OCM: variants seen among roughly 807,000 people sequenced by gnomAD.
OCM encodes oncomodulin-1.
OCM carries 18 observed loss-of-function variants against 14.1 expected under a neutral mutation model. The ratio of observed to expected loss-of-function variants is 1.28; its 90% CI spans 0.88 to 1.89. OCM has a LOEUF of 1.89. Among genes scored for constraint, OCM ranks in the 40% most tolerant of loss-of-function variants. The pLI is 0.00. For missense variants in OCM, 140 were observed against 137.6 expected, an observed-to-expected ratio of 1.02 and a Z score of -0.09; for synonymous variants, 48 against 51.0, an observed-to-expected ratio of 0.94 and a Z score of 0.25.
chr7:5,885,168 G>C (rs1781307131), intron 3 of OCM, among the ~76,000 whole-genome samples: 1 of 150,018 alleles, frequency 6.7e-6, no homozygotes, highest in Non-Finnish European at 1.5e-5. Context: ...AATAAACAAA[G>C]CTTACCAATA....
chr7:5,881,318 CAAAAAA>C (rs1310064726), intron 1 of OCM, among the ~76,000 whole-genome samples: 1 of 58,834 alleles, frequency 1.7e-5, no homozygotes, highest in Non-Finnish European at 3.6e-5. Context: ...ACTCTGTCTA[CAAAAAA>C]AAAAAAAAAA....
At chr7:5,876,132 A>T (rs1781090390), upstream of OCM, among the ~76,000 whole-genome samples, 1 of 152,080 alleles carries the variant, frequency 6.6e-6, no homozygotes, top group South Asian at 2.1e-4. Context: ...CAGCCTCCAG[A>T]GTAGCTGGGA....
At chr7:5,878,164 C>G (rs1430959114), upstream of OCM, among the ~76,000 whole-genome samples, 1 of 151,190 alleles carries the variant, frequency 6.6e-6, no homozygotes, top group Non-Finnish European at 1.5e-5. Flanking sequence ...GGGTTTTCAC[C>G]ACGTTGGTCA....
chr7:5,860,920 T>C, the OCM span, among the ~76,000 whole-genome samples: 4 of 151,680 alleles, frequency 2.6e-5, no homozygotes, highest in South Asian at 8.3e-4. Flanking sequence ...ATTGATTTAG[T>C]GACCACAGAG....
upstream of OCM, among the ~76,000 whole-genome samples, chr7:5,878,477 T>C (rs1344653957): frequency 2.7e-5 from 4 of 149,708 alleles, no homozygotes; most frequent in East Asian, 8.4e-4. Context: ...CCGGGCGCGG[T>C]GGCTCACGCC....
upstream of OCM, among the ~76,000 whole-genome samples, chr7:5,875,469 T>C (rs1476043375): frequency 6.6e-6 from 1 of 152,030 alleles, no homozygotes; most frequent in African/African-American, 2.4e-5. Context: ...AAAATTTAAA[T>C]AAATATAATA....
chr7:5,865,770 T>C, the OCM span, among the ~76,000 whole-genome samples: 10,789 of 152,198 alleles, frequency 0.071, 604 homozygotes, highest in Admixed American at 0.2. Context: ...GGGCAACACA[T>C]ACCCTGTGCA....
upstream of OCM, among the ~76,000 whole-genome samples, chr7:5,877,635 A>G (rs181109404): frequency 6.9e-4 from 104 of 151,682 alleles, 1 homozygote; most frequent in East Asian, 0.018. Flanking sequence ...CCTGGCCAAC[A>G]TGGTGAAACC....
the OCM span, among the ~76,000 whole-genome samples, chr7:5,859,980 G>GC: frequency 6.6e-6 from 1 of 151,886 alleles, no homozygotes; most frequent in African/African-American, 2.4e-5. Context: ...GAGCCACCGC[G>GC]CCCAGCCAGT....
At chr7:5,871,642 G>C in the OCM span, 1 of 152,216 alleles carries the variant, frequency 6.6e-6, no homozygotes, top group South Asian at 2.1e-4. Flanking sequence ...GTAGTCTTCA[G>C]GGTCCTGCAC....
the OCM span, among the ~76,000 whole-genome samples, chr7:5,860,516 GTATA>G: frequency 1.7e-5 from 2 of 115,942 alleles, no homozygotes; most frequent in Admixed American, 8.6e-5. Flanking sequence ...ATATATACGT[GTATA>G]TATACGTGTG....
At chr7:5,861,576 A>G in the OCM span, among the ~76,000 whole-genome samples, 1 of 152,188 alleles carries the variant, frequency 6.6e-6, no homozygotes, top group Admixed American at 6.6e-5. Flanking sequence ...AGAGTTGCTC[A>G]GTACTTGGGT....
chr7:5,861,108 G>C, the OCM span, among the ~76,000 whole-genome samples: 29 of 151,946 alleles, frequency 1.9e-4, no homozygotes, highest in South Asian at 6.2e-4. Flanking sequence ...GGATGGGAGG[G>C]AGATGTGCTT....
chr7:5,862,362 T>TA, the OCM span, among the ~76,000 whole-genome samples: 1 of 151,744 alleles, frequency 6.6e-6, no homozygotes, highest in Non-Finnish European at 1.5e-5. Flanking sequence ...GACAGAACGT[T>TA]ACGTATCTTC....
rs749279180 is a variant in OCM, at chr7:5,880,840, C to T, written c.-50C>T. 3.2e-6 allele frequency: 5 copies of T among 1,567,020 alleles called. No homozygotes were observed. In the Admixed American group the frequency reaches 5.0e-5, roughly 16 times the overall value. On this transcript the variant is annotated 5_prime_UTR_variant, in exon 1 of 4. Coordinates refer to ENST00000242104, the MANE Select transcript of OCM (RefSeq NM_001097622.2). ...TGTGTTTCCCCTGGATGTGCACATT[C>T]CTGTTTGTGGCTTATCGCCTCTCAT... is the stretch of plus-strand genomic sequence containing the variant.
chr7:5,878,653 A>G (rs1015219926), upstream of OCM, among the ~76,000 whole-genome samples: 2 of 151,726 alleles, frequency 1.3e-5, no homozygotes, highest in African/African-American at 4.8e-5. Context: ...AGGCTGAGGC[A>G]AGAGAATGGC....
chr7:5,862,600 A>T, the OCM span, among the ~76,000 whole-genome samples: 1 of 151,742 alleles, frequency 6.6e-6, no homozygotes, highest in African/African-American at 2.4e-5. Flanking sequence ...CCCTCTTTTC[A>T]TGTTTACTTT....
chr7:5,871,130 T>C, the OCM span, among the ~76,000 whole-genome samples: 1 of 151,874 alleles, frequency 6.6e-6, no homozygotes, highest in African/African-American at 2.4e-5. Context: ...GAGGATGGCT[T>C]GAGCCCAGGC....
At chr7:5,867,625 A>G in the OCM span, among the ~76,000 whole-genome samples, 1 of 151,874 alleles carries the variant, frequency 6.6e-6, no homozygotes, top group Admixed American at 6.6e-5. Flanking sequence ...AATTACATGT[A>G]TATTAGGCCA....
Sources: gnomAD v4.1 joint callset for allele counts (sites outside exome capture counted in the v4.1 genomes callset) on GRCh38, gnomAD v4.1.1 for gene constraint, MANE v1.5 for transcripts, NCBI Gene and HGNC (gene_info 2026-07-23, HGNC 2026-07-21) for gene names.